The following PCBD2 variants were observed in gnomAD, a reference collection of about 807,000 sequenced individuals.
PCBD2 encodes pterin-4 alpha-carbinolamine dehydratase 2, also known as pterin-4-alpha-carbinolamine dehydratase 2.
A neutral mutation model predicts 16.4 loss-of-function variants in PCBD2; 12 were observed. The ratio of observed to expected loss-of-function variants is 0.73; its 90% CI spans 0.47 to 1.19. PCBD2 has a LOEUF of 1.19. Among genes scored for constraint, PCBD2 ranks in the 50% most tolerant of loss-of-function variants. PCBD2 has a pLI of 0.00. For synonymous variants in PCBD2, 58 were observed against 61.8 expected (o/e 0.94, Z 0.29); for missense variants, 138 against 156.8 (o/e 0.88, Z 0.64).
chr5:134,922,319 A>G (rs34690545), intron 2 of PCBD2, among the ~76,000 whole-genome samples: 20,425 of 152,144 alleles, frequency 0.13, 1,813 homozygotes, highest in Middle Eastern at 0.19. Context: ...AGCTGGGATT[A>G]CAGGTGTGAG....
At chr5:134,949,769 G>C (rs1220380962) in intron 2 of PCBD2, among the ~76,000 whole-genome samples, 1 of 152,194 alleles carries the variant, frequency 6.6e-6, no homozygotes, top group African/African-American at 2.4e-5. Flanking sequence ...CCTTTACTTG[G>C]TGCACTAGAC....
Position 134,905,164 on chromosome 5 carries a change from G to C in PCBD2, c.25G>C (p.Gly9Arg). 2.5e-6 allele frequency: 3 copies of C among 1,223,022 alleles called. No homozygotes were observed. Among genetic ancestry groups the C allele is most frequent in the Non-Finnish European group, 3.1e-6 (3 of 982,654 alleles). 75.8% of individuals were successfully genotyped at this position (1,223,022 alleles called of 1,614,324 possible). A position where few individuals can be genotyped will look rare whatever the true frequency, so the allele number is the denominator to read the frequency against. ...AATGGCGGCGGTGCTCGGGGCGCTC[G>C]GGGCGACGCGGCGCTTGTTGGCGGC... MAAVLGAL[G>R]ATRRLLAALR... The change falls in exon 1 of 4, where the codon GGG becomes CGG. Residue 9 changes from glycine (G) to arginine (R), a missense_variant. By Grantham distance (125) the Gly-to-Arg change is moderately radical. Transcript: ENST00000254908.
At chr5:134,905,554 C>T in intron 1 of PCBD2, 1 of 221,088 alleles carries the variant, frequency 4.5e-6, no homozygotes, top group East Asian at 9.2e-5. Context: ...ATTCGGTGCC[C>T]GCTGCCGCTC....
intron 2 of PCBD2, among the ~76,000 whole-genome samples, chr5:134,936,684 A>G (rs910676025): frequency 1.3e-5 from 2 of 152,222 alleles, no homozygotes; most frequent in African/African-American, 4.8e-5. Flanking sequence ...TGAAGGGGAC[A>G]GGATTCATGA....
intron 2 of PCBD2, among the ~76,000 whole-genome samples, chr5:134,917,523 G>A (rs1011066441): frequency 4.6e-5 from 7 of 152,204 alleles, no homozygotes; most frequent in Admixed American, 1.3e-4. Context: ...GGTTCTCTGC[G>A]GAGGAGCTCC....
intron 2 of PCBD2, chr5:134,924,062 A>G (rs1750947986): frequency 5.0e-6 from 2 of 396,730 alleles, no homozygotes; most frequent in Non-Finnish European, 9.0e-6. Context: ...GTGTTCTTGT[A>G]GTTGAAATAC....
chr5:134,913,356 G>T (rs1580877640), intron 2 of PCBD2, among the ~76,000 whole-genome samples: 1 of 152,180 alleles, frequency 6.6e-6, no homozygotes, highest in Non-Finnish European at 1.5e-5. Context: ...GGATCTCTGA[G>T]GCCTGAATAA....
intron 2 of PCBD2, among the ~76,000 whole-genome samples, chr5:134,911,961 T>C (rs547679735): frequency 1.3e-5 from 2 of 152,248 alleles, no homozygotes; most frequent in Non-Finnish European, 2.9e-5. Flanking sequence ...ACAGCTTGAC[T>C]TCTTTAAACC....
intron 2 of PCBD2, among the ~76,000 whole-genome samples, chr5:134,918,169 C>T: frequency 6.6e-6 from 1 of 152,116 alleles, no homozygotes; most frequent in Non-Finnish European, 1.5e-5. Context: ...GGAAGCACTC[C>T]CAAAGAGGAT....
At chr5:134,907,137 G>A (rs1040746959) in intron 1 of PCBD2, among the ~76,000 whole-genome samples, 1 of 152,256 alleles carries the variant, frequency 6.6e-6, no homozygotes, top group Admixed American at 6.5e-5. Flanking sequence ...ATTACAGGCA[G>A]CATGTTTAAT....
intron 2 of PCBD2, among the ~76,000 whole-genome samples, chr5:134,956,935 T>G (rs1256934547): frequency 6.6e-6 from 1 of 152,240 alleles, no homozygotes; most frequent in African/African-American, 2.4e-5. Flanking sequence ...TGTAATCACA[T>G]GACTTTTAAA....
chr5:134,927,571 C>T (rs1340965884), intron 2 of PCBD2: 1 of 397,502 alleles, frequency 2.5e-6, no homozygotes, highest in Non-Finnish European at 4.4e-6. Flanking sequence ...GGGAGGGAGC[C>T]TACTAGGGTG....
intron 2 of PCBD2, among the ~76,000 whole-genome samples, chr5:134,935,976 A>G (rs927500959): frequency 2.0e-5 from 3 of 152,226 alleles, no homozygotes; most frequent in African/African-American, 7.2e-5. Context: ...GGTCTCACTA[A>G]GGAAGTGGAA....
At chr5:134,944,882 A>T (rs962088850) in intron 2 of PCBD2, among the ~76,000 whole-genome samples, 7 of 152,218 alleles carry the variant, frequency 4.6e-5, no homozygotes, top group Admixed American at 3.3e-4. Flanking sequence ...GGTGGTTTAG[A>T]TTAGCTGTGA....
intron 2 of PCBD2, among the ~76,000 whole-genome samples, chr5:134,934,626 G>T (rs937467879): frequency 6.6e-6 from 1 of 152,158 alleles, no homozygotes; most frequent in Non-Finnish European, 1.5e-5. Context: ...AATATTGAAG[G>T]CATAATATCC....
At chr5:134,910,549 T>C in intron 2 of PCBD2, 83 bp downstream of exon 2, 2 of 1,464,522 alleles carry the variant, frequency 1.4e-6, no homozygotes, top group Admixed American at 1.9e-5. Flanking sequence ...GCCAGTTGTC[T>C]GGTCCCATGT....
chr5:134,956,955 T>G (rs915886872), intron 2 of PCBD2, among the ~76,000 whole-genome samples: 5 of 152,182 alleles, frequency 3.3e-5, no homozygotes, highest in African/African-American at 4.8e-5. Context: ...AATTATTGTC[T>G]CCATTTTACT....
chr5:134,962,533 G>A lies in PCBD2; in HGVS notation c.*1852G>A, dbSNP rs577014152. Among the ~76,000 whole-genome samples, 18 of 152,266 alleles carry A rather than the reference G, an allele frequency of 1.2e-4. No individual in the cohort carries two copies. The highest frequency in any genetic ancestry group is 2.4e-4 in the Non-Finnish European group (16 of 68,016). On this transcript the variant is annotated 3_prime_UTR_variant, in exon 4 of 4. Coordinates refer to ENST00000254908, the MANE Select transcript of PCBD2 (RefSeq NM_032151.5). Reference sequence around the variant, plus strand: ...CCCCCAAAGTGCTGGGATTACAGGCGTGAGCCACTGCGCCTGGCCTATAAC... The same window carrying A: ...CCCCCAAAGTGCTGGGATTACAGGCATGAGCCACTGCGCCTGGCCTATAAC...
At chr5:134,939,725 G>A (rs546654085) in intron 2 of PCBD2, among the ~76,000 whole-genome samples, 47 of 152,240 alleles carry the variant, frequency 3.1e-4, no homozygotes, top group African/African-American at 1.1e-3. Flanking sequence ...CTGCCTCACA[G>A]TATATGAAAC....
Sources: allele counts gnomAD v4.1 joint callset (sites outside exome capture counted in the v4.1 genomes callset), GRCh38; gene constraint gnomAD v4.1.1; transcripts MANE v1.5; gene names NCBI Gene and HGNC (gene_info 2026-07-23, HGNC 2026-07-21).